Variants in IGSF21 observed in about 807,000 individuals in gnomAD.
The protein encoded by IGSF21 is immunoglobin superfamily member 21, also known as immunoglobulin superfamily member 21.
IGSF21 carries 28 observed loss-of-function variants against 46.8 expected under a neutral mutation model. The ratio of observed to expected loss-of-function variants is 0.60; its 90% CI spans 0.44 to 0.82. IGSF21 has a LOEUF of 0.82. Ranked by LOEUF, IGSF21 falls within the 40% of genes least tolerant of loss-of-function variation. The pLI, the probability that IGSF21 is intolerant of heterozygous loss-of-function variation, is 0.00. For synonymous variants in IGSF21, 284 were observed against 273.6 expected (o/e 1.04, Z -0.38); for missense variants, 624 against 665.5 (o/e 0.94, Z 0.69).
At chr1:18,238,187 C>T (rs758404599) in intron 2 of IGSF21, among the ~76,000 whole-genome samples, 2 of 152,164 alleles carry the variant, frequency 1.3e-5, no homozygotes, top group Non-Finnish European at 1.5e-5. Flanking sequence ...ATCTCATTAT[C>T]TCCACTCTTG....
intron 2 of IGSF21, among the ~76,000 whole-genome samples, chr1:18,250,542 C>T (rs2084831551): frequency 1.3e-5 from 2 of 152,172 alleles, no homozygotes. Context: ...TGTGCTGTCT[C>T]ATAAAGAGAT....
At position 18,334,445 on chromosome 1, in the gene IGSF21, T is replaced by G. The variant is rs2085745239; in HGVS notation, c.306-447T>G. On this transcript the variant is annotated intron_variant, in intron 3 of 9. Coordinates refer to ENST00000251296, the MANE Select transcript of IGSF21 (RefSeq NM_032880.5). This position sits in a 1 kb window ranked among gnomAD's most constrained non-coding sequence, Gnocchi z 4.3. Reference sequence around the variant, plus strand: ...CCGTCCTGAGCCTCAGTTTCCTTGTTTATGAAATGGGAATATGGACCCTAT... The same window carrying G: ...CCGTCCTGAGCCTCAGTTTCCTTGTGTATGAAATGGGAATATGGACCCTAT... 6.6e-6 allele frequency among the ~76,000 whole-genome samples: 1 copy of G among 152,174 alleles called. No homozygotes were observed. Among genetic ancestry groups the G allele is most frequent in the Non-Finnish European group, 1.5e-5 (1 of 68,040 alleles).
At chr1:18,222,204 C>G (rs2084517326) in intron 1 of IGSF21, among the ~76,000 whole-genome samples, 1 of 152,170 alleles carries the variant, frequency 6.6e-6, no homozygotes, top group African/African-American at 2.4e-5. Context: ...AGGAGGGTCC[C>G]CAGCAGAAGC....
intron 3 of IGSF21, among the ~76,000 whole-genome samples, chr1:18,305,225 G>A (rs1271030013): frequency 1.3e-5 from 2 of 151,524 alleles, no homozygotes; most frequent in African/African-American, 4.9e-5. Context: ...ATGGATGGAT[G>A]GACGATGGAT....
intron 1 of IGSF21, among the ~76,000 whole-genome samples, chr1:18,126,816 C>A (rs1030589725): frequency 6.6e-6 from 1 of 152,162 alleles, no homozygotes; most frequent in Non-Finnish European, 1.5e-5. Context: ...CCCCACACCC[C>A]CTCCAGAGCC....
At chr1:18,113,546 G>C (rs979855954) in intron 1 of IGSF21, 3 of 152,048 alleles carry the variant, frequency 2.0e-5, no homozygotes, top group Non-Finnish European at 4.4e-5. Flanking sequence ...ACCAGCCTTT[G>C]TTACATCTTC....
intron 1 of IGSF21, among the ~76,000 whole-genome samples, chr1:18,194,233 G>T (rs1383897983): frequency 6.6e-6 from 1 of 152,218 alleles, no homozygotes; most frequent in Admixed American, 6.5e-5. Flanking sequence ...CCCTCCTACT[G>T]AGTTAAAAAG....
At chr1:18,247,947 C>T (rs2124524026) in intron 2 of IGSF21, among the ~76,000 whole-genome samples, 1 of 152,294 alleles carries the variant, frequency 6.6e-6, no homozygotes, top group Non-Finnish European at 1.5e-5. Context: ...TAGTTCCTCC[C>T]CCAAACTCCA....
At chr1:18,286,207 C>T (rs1484756722) in intron 2 of IGSF21, among the ~76,000 whole-genome samples, 1 of 152,236 alleles carries the variant, frequency 6.6e-6, no homozygotes, top group Admixed American at 6.5e-5. Context: ...CTGCTGTTTA[C>T]TATTACAAGT....
At chr1:18,288,763 A>T (rs2085239535) in intron 2 of IGSF21, among the ~76,000 whole-genome samples, 1 of 152,144 alleles carries the variant, frequency 6.6e-6, no homozygotes, top group Non-Finnish European at 1.5e-5. Context: ...GGGAGGAAGG[A>T]GTGTGTACCA....
chr1:18,132,809 G>A (rs1406261355), intron 1 of IGSF21, among the ~76,000 whole-genome samples: 1 of 151,692 alleles, frequency 6.6e-6, no homozygotes, highest in Non-Finnish European at 1.5e-5. Context: ...AAGGTGTCCT[G>A]CCATCCCTTA....
At chr1:18,260,201 G>A (rs189506909) in intron 2 of IGSF21, among the ~76,000 whole-genome samples, 6 of 152,354 alleles carry the variant, frequency 3.9e-5, no homozygotes, top group African/African-American at 1.4e-4. Context: ...GAGGGACACT[G>A]AGGATGGTCC....
intron 2 of IGSF21, among the ~76,000 whole-genome samples, chr1:18,271,745 C>T (rs1196395564): frequency 6.6e-6 from 1 of 152,196 alleles, no homozygotes; most frequent in Non-Finnish European, 1.5e-5. Context: ...ACCTGTGCCA[C>T]TTCTTAGCTG....
At chr1:18,209,951 T>C (rs2084372488) in intron 1 of IGSF21, among the ~76,000 whole-genome samples, 1 of 152,020 alleles carries the variant, frequency 6.6e-6, no homozygotes, top group Non-Finnish European at 1.5e-5. Context: ...TGATCTTCTG[T>C]TCACCCCACC....
At chr1:18,324,416 T>G (rs1161356192) in intron 3 of IGSF21, among the ~76,000 whole-genome samples, 5 of 152,208 alleles carry the variant, frequency 3.3e-5, no homozygotes, top group African/African-American at 4.8e-5. Flanking sequence ...TGTAACAAGA[T>G]GGCCGGATCG....
intron 1 of IGSF21, among the ~76,000 whole-genome samples, chr1:18,108,622 A>G (rs988197150): frequency 4.8e-4 from 72 of 150,600 alleles, no homozygotes; most frequent in African/African-American, 1.0e-3. Flanking sequence ...AGTGTGAGCG[A>G]ATGTTGGGGG....
At chr1:18,142,851 A>G (rs1348480393) in intron 1 of IGSF21, among the ~76,000 whole-genome samples, 1 of 152,168 alleles carries the variant, frequency 6.6e-6, no homozygotes, top group Non-Finnish European at 1.5e-5. Context: ...TGGGAGATGC[A>G]GCAAGCAGGG....
chr1:18,221,865 A>G (rs1557594213), intron 1 of IGSF21, among the ~76,000 whole-genome samples: 1 of 152,106 alleles, frequency 6.6e-6, no homozygotes, highest in East Asian at 1.9e-4. Context: ...ACCCAAAAGG[A>G]AGGTGGGAAG....
intron 1 of IGSF21, among the ~76,000 whole-genome samples, chr1:18,163,093 G>T (rs1452811125): frequency 6.6e-6 from 1 of 152,162 alleles, no homozygotes; most frequent in Non-Finnish European, 1.5e-5. Flanking sequence ...ATGTTTCCAT[G>T]GGGCTTGGGG....
Sources: gnomAD v4.1 joint callset for allele counts (sites outside exome capture counted in the v4.1 genomes callset) on GRCh38, gnomAD v4.1.1 for gene constraint, Gnocchi (gnomAD v3.1) non-coding constraint, MANE v1.5 for transcripts, NCBI Gene and HGNC (gene_info 2026-07-23, HGNC 2026-07-21) for gene names.